The following CDC5L variants were observed in gnomAD, a reference collection of about 807,000 sequenced individuals.
CDC5L encodes the protein cell division cycle 5 like.
In CDC5L, 18 loss-of-function variants were observed where a neutral mutation model predicts 104.1. The ratio of observed to expected loss-of-function variants is 0.17; its 90% CI spans 0.12 to 0.26. The LOEUF is 0.26. CDC5L is among the 10% of genes least tolerant of loss of function. The pLI is 1.00. For missense variants in CDC5L, 673 were observed against 956.9 expected, an observed-to-expected ratio of 0.70 and a Z score of 3.91; for synonymous variants, 331 against 322.7, an observed-to-expected ratio of 1.03 and a Z score of -0.28.
At chr6:44,425,566 A>G (rs573927754) in intron 11 of CDC5L, among the ~76,000 whole-genome samples, 45 of 152,142 alleles carry the variant, frequency 3.0e-4, no homozygotes, top group Non-Finnish European at 5.6e-4. Flanking sequence ...AGTGGAAACA[A>G]TATTTTAGAG....
chr6:44,403,449 A>G (rs11571942), intron 5 of CDC5L, among the ~76,000 whole-genome samples: 2 of 152,224 alleles, frequency 1.3e-5, no homozygotes, highest in East Asian at 1.9e-4. Flanking sequence ...TGTTACAGTT[A>G]GAAGTTTTAT....
intron 5 of CDC5L, among the ~76,000 whole-genome samples, chr6:44,398,154 G>T (rs1790955904): frequency 6.6e-6 from 1 of 152,146 alleles, no homozygotes; most frequent in South Asian, 2.1e-4. Flanking sequence ...AGAATGGTTA[G>T]CTTATTTGGG....
At chr6:44,417,604 C>T (rs1791962788) in intron 8 of CDC5L, among the ~76,000 whole-genome samples, 1 of 152,152 alleles carries the variant, frequency 6.6e-6, no homozygotes, top group Non-Finnish European at 1.5e-5. Flanking sequence ...AACTTTGCCA[C>T]AGGCCCTAAG....
intron 6 of CDC5L, among the ~76,000 whole-genome samples, chr6:44,404,526 G>T (rs1791274721): frequency 6.6e-6 from 1 of 152,084 alleles, no homozygotes; most frequent in Admixed American, 6.6e-5. Context: ...TGGCTATCAC[G>T]TTTTTAGCAC....
At chr6:44,393,657 T>C in intron 4 of CDC5L, 84 bp downstream of exon 4, 1 of 1,362,842 alleles carries the variant, frequency 7.3e-7, no homozygotes, top group Non-Finnish European at 1.0e-6. Flanking sequence ...TCTGAACTCC[T>C]CTACTTTAGA....
chr6:44,431,810 G>A (rs1287837888), intron 14 of CDC5L, among the ~76,000 whole-genome samples: 2 of 152,136 alleles, frequency 1.3e-5, no homozygotes, highest in Admixed American at 6.5e-5. Flanking sequence ...TATTTGGGTC[G>A]TTTATGAGCA....
At chr6:44,396,968 G>T (rs778500344) in intron 5 of CDC5L, among the ~76,000 whole-genome samples, 1 of 152,156 alleles carries the variant, frequency 6.6e-6, no homozygotes, top group Admixed American at 6.5e-5. Context: ...TCACCTTTTC[G>T]GAAGCCCCCA....
At chr6:44,404,101 T>C in intron 6 of CDC5L, 74 bp downstream of exon 6, 5 of 907,238 alleles carry the variant, frequency 5.5e-6, no homozygotes, top group South Asian at 2.1e-5. Flanking sequence ...AGTATTATCC[T>C]TGTCAGAGCC....
chr6:44,426,898 C>T (rs1792448347), intron 13 of CDC5L, among the ~76,000 whole-genome samples, 174 bp downstream of exon 13: 1 of 152,102 alleles, frequency 6.6e-6, no homozygotes, highest in African/African-American at 2.4e-5. Flanking sequence ...CTTTAAATAC[C>T]TCCATCCCCC....
At chr6:44,426,334 TC>T (rs1304191856) in intron 12 of CDC5L, 147 bp from the exon 13 acceptor site, 1 of 759,042 alleles carries the variant, frequency 1.3e-6, no homozygotes, top group African/African-American at 1.8e-5. Flanking sequence ...TTAAAATGTT[TC>T]AGTAGTACCA....
chr6:44,440,088 G>A (rs1221858984), intron 14 of CDC5L, among the ~76,000 whole-genome samples: 5 of 152,108 alleles, frequency 3.3e-5, no homozygotes, highest in African/African-American at 1.2e-4. Context: ...AATTGCAGAG[G>A]AATAAAAGCT....
intron 10 of CDC5L, among the ~76,000 whole-genome samples, 178 bp downstream of exon 10, chr6:44,422,987 C>T (rs965182929): frequency 6.6e-6 from 1 of 152,068 alleles, no homozygotes; most frequent in African/African-American, 2.4e-5. Context: ...GGGCTCAAAA[C>T]CCACCTTTCT....
rs1168503429 is a variant in CDC5L, at chr6:44,449,805, C to A, written c.*3094C>A. 2.7e-5 allele frequency: 4 copies of A among 149,498 alleles called. No individual in the cohort carries two copies. Among genetic ancestry groups the A allele is most frequent in the Non-Finnish European group, 5.9e-5 (4 of 67,442 alleles). 9.3% of individuals were successfully genotyped at this position (149,498 alleles called of 1,614,324 possible). On this transcript the variant is annotated 3_prime_UTR_variant, in exon 16 of 16. Coordinates refer to ENST00000371477, the MANE Select transcript of CDC5L (RefSeq NM_001253.4). ...ATGCATTTGAATTTGATTTACTAAT[C>A]TTTTATTTAGGAAATTTACATTTTT...
Position 44,421,662 on chromosome 6 carries a change from A to G in CDC5L, c.1242-985A>G, listed in dbSNP as rs11572001. Reference sequence around the variant, plus strand: ...TATTCCAAAAAACTCAAACAGTACAACAATAACAAATAACACAAATAAAAA... The same window carrying G: ...TATTCCAAAAAACTCAAACAGTACAGCAATAACAAATAACACAAATAAAAA... On this transcript the variant is annotated intron_variant, in intron 9 of 15. Transcript: ENST00000371477. Among the ~76,000 whole-genome samples the G allele has an allele frequency of 7.9e-3, 1,210 of 152,362 alleles. 21 individuals are homozygous for G. Among genetic ancestry groups the G allele is most frequent in the African/African-American group, 0.028 (1,156 of 41,586 alleles).
chr6:44,393,611 C>T lies in CDC5L; in HGVS notation c.439+38C>T, dbSNP rs970083551. ...TTTGAGGAATTTATTTCTTTGGTAA[C>T]TGTAAACTCCTTGGGCCTCACTCTT... On this transcript the variant is annotated intron_variant, in intron 4 of 15. Coordinates refer to ENST00000371477, the MANE Select transcript of CDC5L (RefSeq NM_001253.4). The T allele has an allele frequency of 2.5e-6, 4 of 1,589,658 alleles. No homozygotes were observed. In the Admixed American group the frequency reaches 7.0e-5, roughly 28 times the overall value.
Position 44,392,816 on chromosome 6 carries a change from A to G in CDC5L, c.299A>G (p.Tyr100Cys). 2 of 1,613,592 alleles carry G rather than the reference A, an allele frequency of 1.2e-6. No homozygotes were observed. The highest frequency in any genetic ancestry group is 1.7e-6 in the Non-Finnish European group (2 of 1,179,596). The change falls in exon 3 of 16, where the codon TAT becomes TGT. Residue 100 changes from tyrosine (Y) to cysteine (C), a missense_variant. Transcript: ENST00000371477. Reference protein sequence around the residue: ...GRTAAQCLEHYEFLLDKAAQR... With the variant: ...GRTAAQCLEHCEFLLDKAAQR... ...ACAGCGGCCCAGTGCTTAGAACACT[A>G]TGAATTTCTTCTGTAAGTGAGTCTT...
intron 8 of CDC5L, 40 bp from the exon 9 acceptor site, chr6:44,419,409 T>C (rs898196439): frequency 6.2e-7 from 1 of 1,607,584 alleles, no homozygotes; most frequent in Non-Finnish European, 8.5e-7. Context: ...CAAGTCTGTC[T>C]AAACTTTTAA....
chr6:44,399,071 G>T (rs990794102), intron 5 of CDC5L, among the ~76,000 whole-genome samples: 1 of 152,238 alleles, frequency 6.6e-6, no homozygotes, highest in African/African-American at 2.4e-5. Context: ...CTCTGCCTTA[G>T]CCCCCTGAGT....
chr6:44,445,235 T>C (rs1793392879), intron 14 of CDC5L, among the ~76,000 whole-genome samples: 1 of 152,050 alleles, frequency 6.6e-6, no homozygotes, highest in African/African-American at 2.4e-5. Flanking sequence ...ATGGAAATTA[T>C]AAAAGTTGGG....
Sources: gnomAD v4.1 joint callset for allele counts (sites outside exome capture counted in the v4.1 genomes callset) on GRCh38, gnomAD v4.1.1 for gene constraint, MANE v1.5 for transcripts, NCBI Gene and HGNC (gene_info 2026-07-23, HGNC 2026-07-21) for gene names.